The following CNTRL variants were observed in gnomAD, a reference collection of about 807,000 sequenced individuals.
CNTRL encodes the protein 110 kDa centrosomal protein.
A neutral mutation model predicts 303.7 loss-of-function variants in CNTRL; 233 were observed. That is an observed-to-expected ratio of 0.77 (90% confidence interval 0.69 to 0.86). The LOEUF (loss-of-function observed/expected upper bound fraction) is 0.86, where lower values mean the gene tolerates loss of function less well. Ranked by LOEUF, CNTRL falls within the 40% of genes least tolerant of loss-of-function variation. CNTRL has a pLI of 0.00. For synonymous variants in CNTRL, 900 were observed against 922.2 expected (o/e 0.98, Z 0.44); for missense variants, 2,524 against 2,650.6 (o/e 0.95, Z 1.05).
chr9:121,088,699 G>A (rs2048442204), intron 3 of CNTRL, among the ~76,000 whole-genome samples, 156 bp downstream of exon 3: 1 of 152,180 alleles, frequency 6.6e-6, no homozygotes, highest in South Asian at 2.1e-4. Context: ...GACAGTTGGA[G>A]GATTGAGGTT....
intron 13 of CNTRL, among the ~76,000 whole-genome samples, chr9:121,125,102 G>C (rs2050441316): frequency 6.6e-6 from 1 of 151,370 alleles, no homozygotes; most frequent in African/African-American, 2.4e-5. Flanking sequence ...AGGTGGTCTT[G>C]TTCTTTGTAT....
rs774105781 is a variant in CNTRL at position 121,168,219 on chromosome 9, G to C, written c.5968G>C (p.Asp1990His). Residue 1990 changes from aspartate (D) to histidine (H), a missense_variant, in exon 38 of 44, where the codon GAC becomes CAC. Coordinates refer to ENST00000373855, the MANE Select transcript of CNTRL (RefSeq NM_007018.6). ...KELTDQKSKL[D>H]QVLSKVLAAE... ...ATTAACAGACCAGAAAAGCAAACTGGACCAAGTGCTCTCAAAGGTGCTGGC... is the reference window on the plus strand; with the variant it reads ...ATTAACAGACCAGAAAAGCAAACTGCACCAAGTGCTCTCAAAGGTGCTGGC... The C allele has an allele frequency of 6.2e-7, 1 of 1,613,994 alleles. No individual in the cohort carries two copies. Among genetic ancestry groups the C allele is most frequent in the Admixed American group, 1.7e-5 (1 of 59,998 alleles).
chr9:121,169,073 A>G (rs1221786161), intron 38 of CNTRL, among the ~76,000 whole-genome samples: 3 of 152,222 alleles, frequency 2.0e-5, no homozygotes, highest in African/African-American at 7.2e-5. Flanking sequence ...TGTCACTTTT[A>G]TTTCGTAAGC....
chr9:121,120,699 T>C (rs2133361366), intron 12 of CNTRL, among the ~76,000 whole-genome samples: 1 of 152,324 alleles, frequency 6.6e-6, no homozygotes, highest in East Asian at 1.9e-4. Context: ...ATGACTGTTA[T>C]ATTTCTGGCG....
chr9:121,098,612 A>G, intron 7 of CNTRL, 40 bp downstream of exon 7: 1 of 1,324,238 alleles, frequency 7.6e-7, no homozygotes, highest in South Asian at 1.4e-5. Context: ...TGGGTGAGGG[A>G]GGAATTTATT....
At chr9:121,154,608 C>T in intron 26 of CNTRL, 113 bp from the exon 27 acceptor site, 1 of 637,494 alleles carries the variant, frequency 1.6e-6, no homozygotes, top group Admixed American at 2.9e-5. Context: ...TCTTTCTTAC[C>T]TATTCTCATA....
intron 14 of CNTRL, among the ~76,000 whole-genome samples, chr9:121,134,512 G>T (rs910690824): frequency 6.6e-6 from 1 of 152,044 alleles, no homozygotes; most frequent in Non-Finnish European, 1.5e-5. Context: ...GGCCAGGATG[G>T]TCTCAATCTC....
intron 12 of CNTRL, among the ~76,000 whole-genome samples, chr9:121,123,458 G>A (rs115556044): frequency 0.027 from 4,097 of 152,226 alleles, 182 homozygotes; most frequent in African/African-American, 0.094. Flanking sequence ...AACAACCTGG[G>A]TGTGGTGGCC....
At chr9:121,103,946 A>T (rs141728052) in intron 7 of CNTRL, among the ~76,000 whole-genome samples, 15 of 152,354 alleles carry the variant, frequency 9.8e-5, no homozygotes, top group African/African-American at 3.1e-4. Flanking sequence ...AACTAGTTCA[A>T]CCTTTGTGGA....
In CNTRL at chr9:121,157,844, A is replaced by C. The variant is rs144086611; in HGVS notation, c.4601A>C (p.Gln1534Pro). Residue 1534 changes from glutamine (Q) to proline (P), a missense_variant, in exon 29 of 44, where the codon CAA (glutamine) becomes CCA (proline). Transcript: ENST00000373855. Reference sequence around the variant, plus strand: ...GTAGCAGCAAAAGACTCAGACTTCCAATGTTTAAGCAAGAAGAAGGAAAAA... The same window carrying C: ...GTAGCAGCAAAAGACTCAGACTTCCCATGTTTAAGCAAGAAGAAGGAAAAA... ...KIVAAKDSDF[Q>P]CLSKKKEKLT... is the part of the protein sequence containing the mutation. 1.7e-4 allele frequency: 279 copies of C among 1,614,080 alleles called. 1 individual carries two copies. The highest frequency in any genetic ancestry group is 1.7e-4 in the Admixed American group (10 of 59,998).
intron 8 of CNTRL, among the ~76,000 whole-genome samples, chr9:121,109,243 AT>A (rs2133049873): frequency 6.6e-6 from 1 of 152,326 alleles, no homozygotes; most frequent in South Asian, 2.1e-4. Context: ...TTAAGAAAAA[AT>A]ATCTGTACAT....
At position 121,175,035 on chromosome 9, in the gene CNTRL, T is replaced by G; in HGVS notation, c.6765T>G (p.Cys2255Trp). The G allele has an allele frequency of 6.2e-7, 1 of 1,613,690 alleles. No individual in the cohort carries two copies. Among genetic ancestry groups the G allele is most frequent in the Non-Finnish European group, 8.5e-7 (1 of 1,179,886 alleles). The change falls in exon 43 of 44, where the codon TGT becomes TGG. Residue 2255 changes from cysteine (C) to tryptophan (W), a missense_variant. Cys to Trp is a radical substitution (Grantham distance 215). Coordinates refer to ENST00000373855, the MANE Select transcript of CNTRL (RefSeq NM_007018.6). ...CTTTTCAGGCCCAACTCCGACACTG[T>G]ATGTCCAAGCAAGCAGAAGTATTAA... ...EDRLKAQLRH[C>W]MSKQAEVLIK...
intron 14 of CNTRL, among the ~76,000 whole-genome samples, chr9:121,134,411 C>T (rs2051063346): frequency 6.6e-6 from 1 of 152,068 alleles, no homozygotes; most frequent in South Asian, 2.1e-4. Context: ...CTGCCTCAGC[C>T]TCCTAAGTAG....
chr9:121,077,544 A>C (rs2047972578), intron 1 of CNTRL, among the ~76,000 whole-genome samples: 1 of 152,194 alleles, frequency 6.6e-6, no homozygotes, highest in South Asian at 2.1e-4. Flanking sequence ...GTGGCAACCA[A>C]GGGTTTAAGT....
At position 121,135,975 on chromosome 9, in the gene CNTRL, T is replaced by TCA; in HGVS notation, c.2195_2196insCA (p.Thr733IlefsTer4). 4 of 1,603,286 alleles carry TCA rather than the reference T, an allele frequency of 2.5e-6. No individual in the cohort carries two copies. The highest frequency in any genetic ancestry group is 3.4e-6 in the Non-Finnish European group (4 of 1,171,950). ...GAAGAGTTGGAAAAAGTAACAAGAC[T>TCA]TACCCAGGTAAGTAGGAGCATGAAG... On this transcript the variant is annotated frameshift_variant, in exon 15 of 44. Coordinates refer to ENST00000373855, the MANE Select transcript of CNTRL (RefSeq NM_007018.6). LOFTEE classifies it high-confidence loss of function.
intron 27 of CNTRL, among the ~76,000 whole-genome samples, chr9:121,156,806 T>C (rs1412749781): frequency 6.6e-6 from 1 of 152,232 alleles, no homozygotes; most frequent in Non-Finnish European, 1.5e-5. Flanking sequence ...TTTTAAACAT[T>C]TGCAAAGTAT....
At chr9:121,170,861 A>G (rs1250940609) in intron 39 of CNTRL, among the ~76,000 whole-genome samples, 4 of 152,228 alleles carry the variant, frequency 2.6e-5, no homozygotes, top group Non-Finnish European at 4.4e-5. Flanking sequence ...TCAATCTACC[A>G]TGCTTTCATC....
intron 1 of CNTRL, among the ~76,000 whole-genome samples, chr9:121,075,284 G>A (rs1211945179): frequency 6.6e-6 from 1 of 152,220 alleles, no homozygotes; most frequent in Non-Finnish European, 1.5e-5. Flanking sequence ...GTTTGGATGG[G>A]AAGAGGTGGG....
At position 121,177,368 on chromosome 9, in the gene CNTRL, G is replaced by A; in HGVS notation, c.*182G>A. The A allele has an allele frequency of 4.1e-6, 2 of 491,322 alleles. No individual in the cohort carries two copies. Among genetic ancestry groups the A allele is most frequent in the Non-Finnish European group, 7.1e-6 (2 of 280,816 alleles). The allele number at this position is 491,322 out of a possible 1,614,324, so 30.4% of individuals were successfully genotyped here. A position where few individuals can be genotyped will look rare whatever the true frequency, so the allele number is the denominator to read the frequency against. Reference sequence around the variant, plus strand: ...TGTTTTTATAAATCACTTGTACATAGTACATATGGGAATAGTTGCATATGG... The same window carrying A: ...TGTTTTTATAAATCACTTGTACATAATACATATGGGAATAGTTGCATATGG... On this transcript the variant is annotated 3_prime_UTR_variant, in exon 44 of 44. Transcript: ENST00000373855.
Sources: gnomAD v4.1 joint callset for allele counts (sites outside exome capture counted in the v4.1 genomes callset) on GRCh38, gnomAD v4.1.1 for gene constraint, MANE v1.5 for transcripts, NCBI Gene and HGNC (gene_info 2026-07-23, HGNC 2026-07-21) for gene names.